Variants in SLTM observed in about 807,000 individuals in gnomAD.
SLTM encodes SAFB like transcription modulator.
In SLTM, 43 loss-of-function variants were observed where a neutral mutation model predicts 134.6. The observed-to-expected ratio is 0.32, with a 90% CI of 0.25 to 0.41. The LOEUF is 0.41. SLTM is among the 10% of genes least tolerant of loss of function. The probability of loss-of-function intolerance (pLI) is 1.00; values close to 1 mark genes in which losing one functional copy is unlikely to be tolerated. For synonymous variants in SLTM, 424 were observed against 432.3 expected, an observed-to-expected ratio of 0.98 and a Z score of 0.24; for missense variants, 1,055 against 1,288.8, an observed-to-expected ratio of 0.82 and a Z score of 2.78.
Position 58,899,029 on chromosome 15 carries a change from T to G in SLTM, c.1059-177A>C, listed in dbSNP as rs1380979403. ...TCCCTGAGGATTCTTGCACTGATTT[T>G]CCCCAAGATGCCTGAAGATCTAGAT... On this transcript the variant is annotated intron_variant, in intron 7 of 20. Transcript: ENST00000380516. This position sits in a 1 kb window ranked among gnomAD's most constrained non-coding sequence, Gnocchi z 5.0. The G allele has an allele frequency of 3.8e-6, 2 of 527,832 alleles. No homozygotes were observed. Among genetic ancestry groups the G allele is most frequent in the East Asian group, 3.3e-5 (1 of 30,242 alleles). The allele number at this position is 527,832 out of a possible 1,614,324, so 32.7% of individuals were successfully genotyped here. A position where few individuals can be genotyped will look rare whatever the true frequency, so the allele number is the denominator to read the frequency against.
intron 3 of SLTM, among the ~76,000 whole-genome samples, chr15:58,914,482 A>G (rs1179118608): frequency 6.6e-6 from 1 of 152,206 alleles, no homozygotes; most frequent in African/African-American, 2.4e-5. Context: ...ATTTCTATCG[A>G]GAGGTGGGCA....
chr15:58,883,665 T>C lies in SLTM; in HGVS notation c.2957A>G (p.Asp986Gly). The change falls in exon 20 of 21, where the codon GAC becomes GGC. Residue 986 changes from aspartate to glycine, a missense_variant. Coordinates refer to ENST00000380516, the MANE Select transcript of SLTM (RefSeq NM_024755.4). ...TATCATGCCTGCTCCTGCCCGGCCG[T>C]CACCCATTCGCCTCGTATCATGATA... is the stretch of plus-strand genomic sequence containing the variant. Reference protein sequence around the residue: ...PSYHDTRRMGDGRAGAGMITQ... With the variant: ...PSYHDTRRMGGGRAGAGMITQ... The C allele has an allele frequency of 6.2e-7, 1 of 1,614,128 alleles. No individual in the cohort carries two copies. The highest frequency in any genetic ancestry group is 8.5e-7 in the Non-Finnish European group (1 of 1,180,022).
intron 4 of SLTM, 28 bp from the exon 5 acceptor site, chr15:58,912,638 G>A (rs1423490822): frequency 6.4e-7 from 1 of 1,570,540 alleles, no homozygotes; most frequent in Non-Finnish European, 8.7e-7. Flanking sequence ...CAATAGCTTT[G>A]CTTTATAAAA....
intron 5 of SLTM, among the ~76,000 whole-genome samples, chr15:58,909,129 T>C (rs1419291864): frequency 6.6e-6 from 1 of 152,112 alleles, no homozygotes; most frequent in Non-Finnish European, 1.5e-5. Context: ...AAATGCCTAA[T>C]TATAGGTCTA....
intron 2 of SLTM, among the ~76,000 whole-genome samples, chr15:58,923,725 G>T (rs1327219458): frequency 6.6e-6 from 1 of 150,728 alleles, no homozygotes; most frequent in East Asian, 1.9e-4. Flanking sequence ...TCTAGCAACT[G>T]CCGCAAAACT....
At chr15:58,927,472 T>C (rs1347899018) in intron 2 of SLTM, among the ~76,000 whole-genome samples, 3 of 152,212 alleles carry the variant, frequency 2.0e-5, no homozygotes, top group Non-Finnish European at 4.4e-5. Flanking sequence ...GGTTTCACCA[T>C]GTTAGCCAGT....
At chr15:58,918,038 A>C (rs2036768602) in intron 2 of SLTM, among the ~76,000 whole-genome samples, 1 of 151,856 alleles carries the variant, frequency 6.6e-6, no homozygotes, top group South Asian at 2.1e-4. Flanking sequence ...ACAGGCACTG[A>C]GCCATTGCGC....
chr15:58,931,321 C>G (rs2141261794), intron 2 of SLTM, among the ~76,000 whole-genome samples: 1 of 152,306 alleles, frequency 6.6e-6, no homozygotes, highest in Admixed American at 6.5e-5. Context: ...ACTCTCCTAA[C>G]CTAGGAAGAC....
At chr15:58,932,503 C>T (rs1041483031) in intron 1 of SLTM, 60 bp from the exon 2 acceptor site, 18 of 1,328,954 alleles carry the variant, frequency 1.4e-5, no homozygotes, top group African/African-American at 2.9e-5. Context: ...TTTATAAAAA[C>T]GAAATGAAAA....
intron 5 of SLTM, among the ~76,000 whole-genome samples, chr15:58,904,621 C>T (rs558768736): frequency 2.1e-4 from 31 of 151,026 alleles, no homozygotes; most frequent in Non-Finnish European, 3.8e-4. Context: ...TCTCAGCTCT[C>T]TGCAAACCTC....
chr15:58,896,614 A>G (rs1255398512), intron 9 of SLTM, among the ~76,000 whole-genome samples: 1 of 152,144 alleles, frequency 6.6e-6, no homozygotes, highest in Non-Finnish European at 1.5e-5. Context: ...ATGTTTATAT[A>G]TAACTTTATA....
intron 2 of SLTM, among the ~76,000 whole-genome samples, chr15:58,929,118 G>C (rs1235292976): frequency 6.6e-6 from 1 of 152,176 alleles, no homozygotes; most frequent in Non-Finnish European, 1.5e-5. Flanking sequence ...ATACCAGTAA[G>C]TAAAACAAGA....
intron 5 of SLTM, among the ~76,000 whole-genome samples, chr15:58,903,819 T>G (rs1018070682): frequency 6.6e-6 from 1 of 152,124 alleles, no homozygotes; most frequent in Non-Finnish European, 1.5e-5. Flanking sequence ...GTGACAACCT[T>G]AGTGAAAAAA....
At chr15:58,925,697 G>A (rs867786722) in intron 2 of SLTM, among the ~76,000 whole-genome samples, 11 of 152,066 alleles carry the variant, frequency 7.2e-5, no homozygotes, top group Non-Finnish European at 1.3e-4. Context: ...AATAAACCTA[G>A]AATATGCCAA....
At chr15:58,915,423 A>C (rs2036565696) in intron 3 of SLTM, among the ~76,000 whole-genome samples, 1 of 152,200 alleles carries the variant, frequency 6.6e-6, no homozygotes, top group South Asian at 2.1e-4. Context: ...TTTGAAAAGT[A>C]AAAGATTTTT....
At chr15:58,901,352 C>T (rs1028509825) in intron 5 of SLTM, 65 bp from the exon 6 acceptor site, 5 of 1,311,766 alleles carry the variant, frequency 3.8e-6, no homozygotes, top group Non-Finnish European at 4.3e-6. Flanking sequence ...AGTAATAGTA[C>T]AAAATCAGCC....
rs367546024 is a variant in SLTM, at chr15:58,893,007, A to G, written c.1788T>C (p.Asp596=). 8.7e-6 allele frequency: 14 copies of G among 1,612,314 alleles called. No individual in the cohort carries two copies. In the African/African-American group the frequency reaches 9.4e-5, roughly 11 times the overall value. The part of the protein sequence containing the change: ...KERASLDKKR[D]KDYRRKEILP... ...AGATCTCTTTCCTTCTGTAGTCTTT[A>G]TCTCTTTTTTTATCTAGACTAGCTC... Residue 596 remains aspartate (D), a synonymous_variant, in exon 14 of 21, where the codon GAT becomes GAC. Coordinates refer to ENST00000380516, the MANE Select transcript of SLTM (RefSeq NM_024755.4).
intron 16 of SLTM, chr15:58,889,184 C>G: frequency 2.5e-6 from 1 of 394,210 alleles, no homozygotes; most frequent in Non-Finnish European, 4.6e-6. Context: ...TTGAAGCCTA[C>G]TATGACAATG....
Position 58,893,930 on chromosome 15 carries a change from T to C in SLTM, c.1539A>G (p.Lys513=). 1 of 1,611,502 alleles carries C rather than the reference T, an allele frequency of 6.2e-7. No homozygotes were observed. ...CTATTTTCTTAGTATCCTTGCTTTC[T>C]TTTTTTTCAGATTTCTCAGACGATC... is the stretch of plus-strand genomic sequence containing the variant. ...EKRSSEKSEK[K]ESKDTKKIEG... Residue 513 remains lysine (K), a synonymous_variant, in exon 12 of 21, where the codon AAA becomes AAG. Coordinates refer to ENST00000380516, the MANE Select transcript of SLTM (RefSeq NM_024755.4).
Sources: gnomAD v4.1 joint callset for allele counts (sites outside exome capture counted in the v4.1 genomes callset) on GRCh38, gnomAD v4.1.1 for gene constraint, Gnocchi (gnomAD v3.1) non-coding constraint, MANE v1.5 for transcripts, NCBI Gene and HGNC (gene_info 2026-07-23, HGNC 2026-07-21) for gene names.